The following THSD4 variants were observed in gnomAD, a reference collection of about 807,000 sequenced individuals.
THSD4 encodes the protein thrombospondin type-1 domain-containing protein 4.
A neutral mutation model predicts 119.0 loss-of-function variants in THSD4; 69 were observed. The ratio of observed to expected loss-of-function variants is 0.58; its 90% CI spans 0.48 to 0.71. THSD4 has a LOEUF of 0.71. Among genes scored for constraint, THSD4 ranks in the 30% least tolerant of loss-of-function variants. The probability of loss-of-function intolerance (pLI) is 0.00; values close to 1 mark genes in which losing one functional copy is unlikely to be tolerated. For synonymous variants in THSD4, 524 were observed against 540.4 expected (o/e 0.97, Z 0.42); for missense variants, 1,393 against 1,391.1 (o/e 1.00, Z -0.02).
At chr15:71,100,297 C>T (rs1161918339) in intron 1 of THSD4, among the ~76,000 whole-genome samples, 2 of 152,164 alleles carry the variant, frequency 1.3e-5, no homozygotes, top group Admixed American at 1.3e-4. Context: ...GTCTTGCTAG[C>T]AGTTTTTCTC....
intron 7 of THSD4, among the ~76,000 whole-genome samples, chr15:71,618,816 G>A (rs1423653278): frequency 1.3e-5 from 2 of 151,850 alleles, no homozygotes; most frequent in Admixed American, 6.6e-5. Context: ...GGACCTAAGC[G>A]ATCCGCCTGC....
At position 71,687,496 on chromosome 15, in the gene THSD4, C is replaced by T. The variant is rs113431319; in HGVS notation, c.1357+26762C>T. On this transcript the variant is annotated intron_variant, in intron 8 of 17. Coordinates refer to ENST00000261862, the MANE Select transcript of THSD4 (RefSeq NM_024817.3). ...CTTGGCCAGGCGCCATTGCTCACAC[C>T]GGTAATCCCAGCACTTTGGGGGGCC... 6.6e-5 allele frequency among the ~76,000 whole-genome samples: 10 copies of T among 152,236 alleles called. No individual in the cohort carries two copies. The Middle Eastern group carries it at 0.01, about 155-fold the overall frequency.
chr15:71,666,058 G>A (rs1010616835), intron 8 of THSD4, among the ~76,000 whole-genome samples: 1 of 152,012 alleles, frequency 6.6e-6, no homozygotes, highest in Non-Finnish European at 1.5e-5. Flanking sequence ...TGGTAGTTTG[G>A]TAGGAATAAC....
intron 6 of THSD4, among the ~76,000 whole-genome samples, chr15:71,394,266 C>CTT (rs58372446): frequency 0.013 from 1,191 of 89,508 alleles, 8 homozygotes; most frequent in East Asian, 0.03. Context: ...ACACATTTGT[C>CTT]TTTTTTTTTT....
intron 6 of THSD4, chr15:71,341,604 T>C (rs2140390145): frequency 6.3e-7 from 1 of 1,591,694 alleles, no homozygotes; most frequent in East Asian, 2.2e-5. Flanking sequence ...TGCATACCCT[T>C]GATGGCCTGA....
intron 6 of THSD4, among the ~76,000 whole-genome samples, chr15:71,312,865 C>T (rs1375162709): frequency 6.6e-6 from 1 of 152,094 alleles, no homozygotes; most frequent in Non-Finnish European, 1.5e-5. Context: ...TCTGATTGTC[C>T]CTCCCTGCAA....
chr15:71,145,158 T>G (rs1470707045), intron 2 of THSD4, among the ~76,000 whole-genome samples: 2 of 152,196 alleles, frequency 1.3e-5, no homozygotes, highest in African/African-American at 2.4e-5. Context: ...GCCAGTCTGC[T>G]TGACCAGGTG....
intron 6 of THSD4, among the ~76,000 whole-genome samples, chr15:71,360,213 A>G (rs950812937): frequency 6.6e-6 from 1 of 152,178 alleles, no homozygotes; most frequent in Non-Finnish European, 1.5e-5. Flanking sequence ...CTTCCTCACA[A>G]CATGGTGGTC....
intron 6 of THSD4, among the ~76,000 whole-genome samples, chr15:71,265,757 G>A (rs1596304060): frequency 6.6e-6 from 1 of 152,172 alleles, no homozygotes; most frequent in East Asian, 1.9e-4. Context: ...TTAGACGCTT[G>A]AGCTTTGTGG....
At chr15:71,127,920 A>G (rs1220531329) in intron 1 of THSD4, among the ~76,000 whole-genome samples, 2 of 152,052 alleles carry the variant, frequency 1.3e-5, no homozygotes, top group Non-Finnish European at 2.9e-5. Flanking sequence ...GTTTCATGTA[A>G]TCCTATTTGT....
chr15:71,309,341 T>C (rs2045079494), intron 6 of THSD4, among the ~76,000 whole-genome samples: 1 of 152,226 alleles, frequency 6.6e-6, no homozygotes, highest in Non-Finnish European at 1.5e-5. Flanking sequence ...TACCTATCTA[T>C]AAATTAGGTT....
intron 6 of THSD4, among the ~76,000 whole-genome samples, chr15:71,299,976 A>AAATATATATATATATATAT (rs1555462049): frequency 4.1e-5 from 2 of 48,320 alleles, no homozygotes; most frequent in African/African-American, 1.5e-4. Context: ...AAAAAAAAAA[A>AAATATATATATATATATAT]ATATATATAT....
intron 6 of THSD4, among the ~76,000 whole-genome samples, chr15:71,306,274 C>T (rs2045024815): frequency 8.1e-6 from 1 of 123,570 alleles, no homozygotes; most frequent in African/African-American, 3.1e-5. Flanking sequence ...CCATTGCACT[C>T]CAGCCTGGGT....
chr15:71,445,200 G>GAGGGT lies in THSD4; in HGVS notation c.1152+33378_1152+33382dup, dbSNP rs560556638. 2.0e-4 allele frequency among the ~76,000 whole-genome samples: 30 copies of GAGGGT among 152,324 alleles called. No individual in the cohort carries two copies. In the East Asian group the frequency reaches 5.6e-3, roughly 28 times the overall value. On this transcript the variant is annotated intron_variant, in intron 7 of 17. Transcript: ENST00000261862. ...AGTGCTGTTACTCTTGGTCCCCAGA[G>GAGGGT]AGGGTGGCTTCCTCTCCCTGTCGTG...
At chr15:71,339,296 A>AT (rs1018419261) in intron 6 of THSD4, among the ~76,000 whole-genome samples, 4 of 151,554 alleles carry the variant, frequency 2.6e-5, no homozygotes, top group South Asian at 2.1e-4. Context: ...CCTTTTATTG[A>AT]TTTTTTTAAT....
intron 8 of THSD4, among the ~76,000 whole-genome samples, chr15:71,709,718 G>A (rs143296067): frequency 6.6e-6 from 1 of 152,270 alleles, no homozygotes; most frequent in Non-Finnish European, 1.5e-5. Context: ...ACACATGCAG[G>A]GTGTAGATAT....
intron 11 of THSD4, among the ~76,000 whole-genome samples, chr15:71,741,238 C>T (rs192159683): frequency 6.6e-6 from 1 of 152,120 alleles, no homozygotes; most frequent in Non-Finnish European, 1.5e-5. Context: ...TACCTGTAAT[C>T]GAAGCATTTT....
At chr15:71,653,596 G>A (rs535876774) in intron 7 of THSD4, among the ~76,000 whole-genome samples, 113 of 152,230 alleles carry the variant, frequency 7.4e-4, no homozygotes, top group Non-Finnish European at 1.5e-3. Context: ...CATCAGTAGA[G>A]CTGGAGTTGA....
At chr15:71,561,268 T>C (rs1209818714) in intron 7 of THSD4, among the ~76,000 whole-genome samples, 1 of 152,118 alleles carries the variant, frequency 6.6e-6, no homozygotes. Context: ...GCCACCGCAC[T>C]CGGCTCTCTT....
Sources: gnomAD v4.1 joint callset for allele counts (sites outside exome capture counted in the v4.1 genomes callset) on GRCh38, gnomAD v4.1.1 for gene constraint, MANE v1.5 for transcripts, NCBI Gene and HGNC (gene_info 2026-07-23, HGNC 2026-07-21) for gene names.